HIP1: variants seen among roughly 807,000 people sequenced by gnomAD.
The protein encoded by HIP1 is huntingtin interacting protein 1, also known as huntingtin-interacting protein 1.
Under a neutral mutation model 147.6 loss-of-function variants are expected in HIP1, and 65 were observed. The ratio of observed to expected loss-of-function variants is 0.44; its 90% CI spans 0.36 to 0.54. The LOEUF (loss-of-function observed/expected upper bound fraction) is 0.54. Ranked by LOEUF, HIP1 falls within the 20% of genes least tolerant of loss-of-function variation. HIP1 has a pLI of 0.00. For synonymous variants in HIP1, 479 were observed against 504.0 expected (o/e 0.95, Z 0.67); for missense variants, 1,061 against 1,299.6 (o/e 0.82, Z 2.82).
chr7:75,621,219 A>C (rs1013654605), intron 1 of HIP1, among the ~76,000 whole-genome samples: 7 of 152,084 alleles, frequency 4.6e-5, no homozygotes, highest in Non-Finnish European at 1.0e-4. Flanking sequence ...AAAATAAATA[A>C]CATGAAGAGG....
chr7:75,644,008 A>G (rs1798727933), intron 1 of HIP1, among the ~76,000 whole-genome samples: 1 of 152,172 alleles, frequency 6.6e-6, no homozygotes, highest in South Asian at 2.1e-4. Context: ...TCAAACAAAC[A>G]AACAAACAAA....
At chr7:75,669,356 G>C (rs189039520) in intron 1 of HIP1, among the ~76,000 whole-genome samples, 3 of 152,226 alleles carry the variant, frequency 2.0e-5, no homozygotes, top group African/African-American at 7.2e-5. Flanking sequence ...CTGGGCGACA[G>C]AGCGAGACTC....
At chr7:75,613,085 T>TCACA (rs143183301) in intron 1 of HIP1, among the ~76,000 whole-genome samples, 7,879 of 148,170 alleles carry the variant, frequency 0.053, 322 homozygotes, top group African/African-American at 0.11. Flanking sequence ...CCAACTTGGG[T>TCACA]CACACACACA....
In HIP1 at chr7:75,728,714, A is replaced by AT. The variant is rs200501966; in HGVS notation, c.120+10086dup. 4.2e-3 allele frequency among the ~76,000 whole-genome samples: 554 copies of AT among 132,244 alleles called. 2 individuals carry two copies. The highest frequency in any genetic ancestry group is 0.015 in the African/African-American group (506 of 34,528). The allele number at this position is 132,244 out of a possible 152,430, so 86.8% of individuals were successfully genotyped here. A position where few individuals can be genotyped will look rare whatever the true frequency, so the allele number is the denominator to read the frequency against. On this transcript the variant is annotated intron_variant, in intron 1 of 30. Coordinates refer to ENST00000336926, the MANE Select transcript of HIP1 (RefSeq NM_005338.7). ...CGTGCAGCACCAACCCTTTATTTTT[A>AT]TTTTTTTTAATCTTCTTTTTCAGAG...
chr7:75,729,109 G>GA (rs374253540), intron 1 of HIP1, among the ~76,000 whole-genome samples: 91 of 75,524 alleles, frequency 1.2e-3, no homozygotes, highest in African/African-American at 2.3e-3. Flanking sequence ...GGAAACAGAA[G>GA]AAAAAAAAAA....
chr7:75,627,544 T>A (rs187544594), intron 1 of HIP1, among the ~76,000 whole-genome samples: 175 of 152,192 alleles, frequency 1.1e-3, no homozygotes, highest in African/African-American at 3.9e-3. Flanking sequence ...GAATCACACT[T>A]TTCTGAGAAT....
chr7:75,681,584 G>A (rs187059725), intron 1 of HIP1, among the ~76,000 whole-genome samples: 4 of 146,474 alleles, frequency 2.7e-5, no homozygotes, highest in African/African-American at 7.5e-5. Context: ...ACAGCTCACT[G>A]CAGCCTCGAC....
chr7:75,581,070 C>T (rs1311401809), intron 7 of HIP1, among the ~76,000 whole-genome samples, 167 bp downstream of exon 7: 2 of 152,118 alleles, frequency 1.3e-5, no homozygotes, highest in African/African-American at 4.8e-5. Context: ...AAGAAAAATA[C>T]TGAAGAGGTT....
At position 75,583,964 on chromosome 7, in the gene HIP1, TTTG is replaced by T. The variant is rs1298950523; in HGVS notation, c.466-1816_466-1814del. ...TTTTCTTTAATGTGTGCGGGATATT[TTTG>T]TTGTTGTTTTCGAGACGGAGTCTCA... On this transcript the variant is annotated intron_variant, in intron 5 of 30. Transcript: ENST00000336926. 4.7e-5 allele frequency among the ~76,000 whole-genome samples: 7 copies of T among 149,048 alleles called. No homozygotes were observed. In the East Asian group the frequency reaches 1.2e-3, roughly 26 times the overall value.
intron 1 of HIP1, chr7:75,654,708 A>C (rs1391185824): frequency 6.6e-6 from 1 of 152,204 alleles, no homozygotes; most frequent in East Asian, 1.9e-4. Context: ...TGTGGAAAAC[A>C]GTTTGAGGGC....
intron 1 of HIP1, among the ~76,000 whole-genome samples, chr7:75,606,919 G>A (rs968676449): frequency 1.8e-4 from 27 of 152,156 alleles, no homozygotes; most frequent in Admixed American, 1.2e-3. Context: ...AGGTACCTGA[G>A]ATCTCTTAGG....
chr7:75,685,090 C>CAAAA (rs1206648755), intron 1 of HIP1, among the ~76,000 whole-genome samples: 2 of 150,112 alleles, frequency 1.3e-5, no homozygotes, highest in African/African-American at 4.9e-5. Context: ...GACTCCGTCT[C>CAAAA]AAAAAAAATA....
At chr7:75,550,912 G>A (rs1794758058) in intron 22 of HIP1, among the ~76,000 whole-genome samples, 1 of 152,088 alleles carries the variant, frequency 6.6e-6, no homozygotes, top group African/African-American at 2.4e-5. Context: ...ACTGACATGT[G>A]TGCATATATG....
At chr7:75,659,002 TAC>T (rs1294455539) in intron 1 of HIP1, among the ~76,000 whole-genome samples, 2 of 152,132 alleles carry the variant, frequency 1.3e-5, no homozygotes, top group Non-Finnish European at 2.9e-5. Flanking sequence ...GCCTACCAAG[TAC>T]AGTGAAATTC....
chr7:75,552,591 A>G (rs35899914), intron 22 of HIP1, among the ~76,000 whole-genome samples: 6,530 of 152,242 alleles, frequency 0.043, 172 homozygotes, highest in Non-Finnish European at 0.062. Context: ...TCCTGGCCTC[A>G]AGTGATCCTC....
At chr7:75,649,041 T>A (rs910668014) in intron 1 of HIP1, among the ~76,000 whole-genome samples, 3 of 151,952 alleles carry the variant, frequency 2.0e-5, no homozygotes, top group Non-Finnish European at 4.4e-5. Context: ...TTTTTTTTTT[T>A]AAGACAGAGT....
intron 6 of HIP1, 88 bp downstream of exon 6, chr7:75,581,987 C>A: frequency 9.2e-7 from 1 of 1,087,012 alleles, no homozygotes; most frequent in East Asian, 2.5e-5. Context: ...ACGGCCTCCC[C>A]CCATCAGGCC....
intron 1 of HIP1, among the ~76,000 whole-genome samples, chr7:75,600,853 T>C (rs1796947660): frequency 6.6e-6 from 1 of 152,116 alleles, no homozygotes; most frequent in Non-Finnish European, 1.5e-5. Flanking sequence ...CTCCAACTCC[T>C]GGGCTCTAGC....
Position 75,534,188 on chromosome 7 carries a change from G to A in HIP1, c.*3984C>T, listed in dbSNP as rs1336128904. 8 of 227,386 alleles carry A rather than the reference G, an allele frequency of 3.5e-5. No homozygotes were observed. Among genetic ancestry groups the A allele is most frequent in the Non-Finnish European group, 6.1e-5 (7 of 114,354 alleles). 14.1% of individuals were successfully genotyped at this position (227,386 alleles called of 1,614,324 possible). On this transcript the variant is annotated 3_prime_UTR_variant, in exon 31 of 31. Transcript: ENST00000336926. ...GGAGCGACATGTACCTGTGATTCCC[G>A]TGTTACCTGGTGGCATAAACCTTGG...
Sources: gnomAD v4.1 joint callset for allele counts (sites outside exome capture counted in the v4.1 genomes callset) on GRCh38, gnomAD v4.1.1 for gene constraint, MANE v1.5 for transcripts, NCBI Gene and HGNC (gene_info 2026-07-23, HGNC 2026-07-21) for gene names.